The following AIG1 variants were observed in gnomAD, a reference collection of about 807,000 sequenced individuals.
AIG1 encodes androgen induced 1, also known as androgen-induced gene 1 protein.
AIG1 carries 23 observed loss-of-function variants against 31.4 expected under a neutral mutation model. The ratio of observed to expected loss-of-function variants is 0.73; its 90% CI spans 0.53 to 1.04. The LOEUF (loss-of-function observed/expected upper bound fraction) is 1.04. AIG1 is among the 50% of genes least tolerant of loss of function. AIG1 has a pLI of 0.00. For synonymous variants in AIG1, 100 were observed against 110.5 expected, an observed-to-expected ratio of 0.90 and a Z score of 0.60; for missense variants, 274 against 295.0, an observed-to-expected ratio of 0.93 and a Z score of 0.52.
In AIG1 at chr6:143,107,966, G is replaced by A. The variant is rs79044442; in HGVS notation, c.142-28869G>A. Among the ~76,000 whole-genome samples the A allele has an allele frequency of 6.3e-3, 953 of 152,250 alleles. 7 individuals are homozygous for A. Among genetic ancestry groups the A allele is most frequent in the African/African-American group, 0.022 (930 of 41,544 alleles). ...CATGATTTTACATAAGACTTTCTCT[G>A]GAAACTGATTTGCTTGATTTACTGT... On this transcript the variant is annotated intron_variant, in intron 1 of 5. Transcript: ENST00000357847.
At chr6:143,285,621 G>GC (rs1248044765) in intron 4 of AIG1, among the ~76,000 whole-genome samples, 1 of 151,762 alleles carries the variant, frequency 6.6e-6, no homozygotes, top group Non-Finnish European at 1.5e-5. Flanking sequence ...CCGAGATCAC[G>GC]CAACTGCACT....
intron 1 of AIG1, among the ~76,000 whole-genome samples, chr6:143,126,896 T>C (rs1418816293): frequency 2.6e-5 from 4 of 152,128 alleles, no homozygotes; most frequent in Non-Finnish European, 5.9e-5. Flanking sequence ...ATATATATAG[T>C]CCCTACTTGT....
intron 3 of AIG1, among the ~76,000 whole-genome samples, chr6:143,202,398 A>G (rs764947623): frequency 1.3e-5 from 2 of 152,178 alleles, no homozygotes; most frequent in East Asian, 3.9e-4. Context: ...AAATTGGGTC[A>G]TGCAACTCAT....
chr6:143,097,288 C>A (rs1779884460), intron 1 of AIG1, among the ~76,000 whole-genome samples: 1 of 151,860 alleles, frequency 6.6e-6, no homozygotes, highest in African/African-American at 2.4e-5. Context: ...AAAATTTAGA[C>A]CTTATCACCT....
intron 1 of AIG1, among the ~76,000 whole-genome samples, chr6:143,122,455 G>GA (rs1782319989): frequency 6.6e-6 from 1 of 152,018 alleles, no homozygotes; most frequent in Non-Finnish European, 1.5e-5. Flanking sequence ...TAACTCAACA[G>GA]AAAAAATGCC....
chr6:143,166,541 A>G (rs1394342277), intron 3 of AIG1, among the ~76,000 whole-genome samples: 4 of 152,144 alleles, frequency 2.6e-5, no homozygotes, highest in Non-Finnish European at 1.5e-5. Flanking sequence ...CAGCACTTTC[A>G]TATCTCTATT....
chr6:143,211,959 G>C (rs1791626898), intron 3 of AIG1, among the ~76,000 whole-genome samples: 6 of 151,782 alleles, frequency 4.0e-5, no homozygotes, highest in Admixed American at 3.9e-4. Context: ...TATCCTACTT[G>C]TTCTGAATGT....
chr6:143,241,598 T>C (rs950889384), intron 3 of AIG1, among the ~76,000 whole-genome samples: 2 of 152,236 alleles, frequency 1.3e-5, no homozygotes, highest in Non-Finnish European at 2.9e-5. Context: ...TGTCAGGCAC[T>C]GTTCTAAGGA....
Position 143,326,555 on chromosome 6 carries a change from CAT to C in AIG1, c.516-6724_516-6723del, listed in dbSNP as rs1255025500. On this transcript the variant is annotated intron_variant, in intron 4 of 5. Coordinates refer to ENST00000357847, the MANE Select transcript of AIG1 (RefSeq NM_016108.4). The surrounding 1 kb of genome is among the most constrained non-coding windows in gnomAD (Gnocchi z 4.5). ...AACTTACACTGTAGAGGGGGAGAAA[CAT>C]ATTATTTAAATAAAGATATTCAAAT... Among the ~76,000 whole-genome samples, 11 of 152,050 alleles carry C rather than the reference CAT, an allele frequency of 7.2e-5. No homozygotes were observed. Among genetic ancestry groups the C allele is most frequent in the African/African-American group, 2.2e-4 (9 of 41,372 alleles).
intron 4 of AIG1, among the ~76,000 whole-genome samples, chr6:143,323,710 CCA>C (rs933813996): frequency 6.6e-6 from 1 of 152,068 alleles, no homozygotes; most frequent in Non-Finnish European, 1.5e-5. Flanking sequence ...TGGCAGACCC[CCA>C]CACACACTGT....
chr6:143,222,462 G>C (rs1216716202), intron 3 of AIG1, among the ~76,000 whole-genome samples: 1 of 152,078 alleles, frequency 6.6e-6, no homozygotes, highest in Non-Finnish European at 1.5e-5. Flanking sequence ...AGTGTGGCGT[G>C]ATAAGAAAAG....
At chr6:143,310,049 G>A (rs1336815390) in intron 4 of AIG1, among the ~76,000 whole-genome samples, 1 of 151,908 alleles carries the variant, frequency 6.6e-6, no homozygotes, top group Admixed American at 6.6e-5. Context: ...ATTATAATTG[G>A]AGACTTCAAC....
At chr6:143,316,248 A>G (rs1473753718) in intron 4 of AIG1, among the ~76,000 whole-genome samples, 3 of 152,118 alleles carry the variant, frequency 2.0e-5, no homozygotes, top group African/African-American at 7.2e-5. Context: ...TAAAATGAGT[A>G]GTTTCCCTCT....
chr6:143,161,602 A>T (rs992745917), intron 2 of AIG1, among the ~76,000 whole-genome samples: 4 of 151,254 alleles, frequency 2.6e-5, no homozygotes, highest in African/African-American at 9.7e-5. Flanking sequence ...ATCATATATG[A>T]TGACCAGGAA....
At chr6:143,235,518 G>A (rs921365809) in intron 3 of AIG1, among the ~76,000 whole-genome samples, 19 of 152,158 alleles carry the variant, frequency 1.2e-4, no homozygotes, top group Non-Finnish European at 4.4e-5. Context: ...CATCAAAGAA[G>A]CTTCTGGAAT....
rs950559150 is a variant in AIG1, at chr6:143,159,657, T to C, written c.298-5425T>C. On this transcript the variant is annotated intron_variant, in intron 2 of 5. Transcript: ENST00000357847. ...GAGACTGTGGCATTTTAGAGAGCCC[T>C]AAGCTTCACTATGCGTTTCTGAATT... 9.2e-5 allele frequency among the ~76,000 whole-genome samples: 14 copies of C among 152,326 alleles called. No individual in the cohort carries two copies. The South Asian group carries it at 2.9e-3, about 32-fold the overall frequency.
intron 2 of AIG1, 136 bp from the exon 3 acceptor site, chr6:143,164,946 C>T: frequency 3.1e-6 from 2 of 637,250 alleles, no homozygotes. Context: ...TGTTTCCAAT[C>T]ATTAGCTGGT....
intron 3 of AIG1, among the ~76,000 whole-genome samples, chr6:143,251,703 C>G (rs1190704101): frequency 6.6e-6 from 1 of 152,162 alleles, no homozygotes; most frequent in Non-Finnish European, 1.5e-5. Flanking sequence ...CCAGATGGTA[C>G]TGCACTTTCA....
At chr6:143,243,601 C>A (rs2128641294) in intron 3 of AIG1, among the ~76,000 whole-genome samples, 2 of 152,270 alleles carry the variant, frequency 1.3e-5, no homozygotes, top group Admixed American at 1.3e-4. Flanking sequence ...TAAGTCACCC[C>A]AAATTAACTT....
Sources: allele counts gnomAD v4.1 joint callset (sites outside exome capture counted in the v4.1 genomes callset), GRCh38; gene constraint gnomAD v4.1.1; non-coding constraint Gnocchi (gnomAD v3.1); transcripts MANE v1.5; gene names NCBI Gene and HGNC (gene_info 2026-07-23, HGNC 2026-07-21).